The following RAB38 variants were observed in gnomAD, a reference collection of about 807,000 sequenced individuals.
RAB38 encodes RAB38, member RAS oncogene family.
RAB38 carries 15 observed loss-of-function variants against 18.4 expected under a neutral mutation model. That is an observed-to-expected ratio of 0.82 (90% CI 0.55 to 1.26). The LOEUF (loss-of-function observed/expected upper bound fraction) is 1.26, where lower values mean the gene tolerates loss of function less well. Ranked by LOEUF, RAB38 falls within the 50% of genes most tolerant of loss-of-function variation. The pLI is 0.00. For missense variants in RAB38, 294 were observed against 267.4 expected, an observed-to-expected ratio of 1.10 and a Z score of -0.69; for synonymous variants, 101 against 104.4, an observed-to-expected ratio of 0.97 and a Z score of 0.20.
chr11:87,945,230 A>G, the RAB38 span, among the ~76,000 whole-genome samples: 1 of 152,160 alleles, frequency 6.6e-6, no homozygotes, highest in African/African-American at 2.4e-5. Flanking sequence ...AATTTTCTAC[A>G]ATTTTGCAAT....
At chr11:88,075,295 CCACAA>C in the RAB38 span, among the ~76,000 whole-genome samples, 1 of 152,034 alleles carries the variant, frequency 6.6e-6, no homozygotes, top group Non-Finnish European at 1.5e-5. Context: ...ATATCTTAGG[CCACAA>C]CACAAGTCTC....
At chr11:87,917,493 G>A in the RAB38 span, among the ~76,000 whole-genome samples, 1 of 143,282 alleles carries the variant, frequency 7.0e-6, no homozygotes. Context: ...TCATACAGTA[G>A]ATCTATTGAA....
chr11:87,950,414 T>G, the RAB38 span, among the ~76,000 whole-genome samples: 13 of 152,208 alleles, frequency 8.5e-5, no homozygotes, highest in African/African-American at 3.1e-4. Flanking sequence ...ATGTGTGAAT[T>G]TGATCCTGTC....
At chr11:88,162,711 C>T (rs769888117) in intron 1 of RAB38, among the ~76,000 whole-genome samples, 1 of 152,014 alleles carries the variant, frequency 6.6e-6, no homozygotes, top group Non-Finnish European at 1.5e-5. Flanking sequence ...AGAAAAAAAT[C>T]CTTGCCTTCA....
the RAB38 span, among the ~76,000 whole-genome samples, chr11:87,899,969 T>C: frequency 2.1e-4 from 32 of 151,380 alleles, no homozygotes; most frequent in African/African-American, 5.6e-4. Flanking sequence ...GTTTTTTTTT[T>C]CCCCATAGTC....
chr11:87,968,326 G>A, the RAB38 span, among the ~76,000 whole-genome samples: 1 of 152,008 alleles, frequency 6.6e-6, no homozygotes, highest in African/African-American at 2.4e-5. Context: ...ATTCCTTTTA[G>A]TATTAGGACT....
At chr11:88,067,265 T>C in the RAB38 span, among the ~76,000 whole-genome samples, 1 of 151,930 alleles carries the variant, frequency 6.6e-6, no homozygotes, top group African/African-American at 2.4e-5. Context: ...GCCTTCTAGA[T>C]GTTAGCATTA....
the RAB38 span, among the ~76,000 whole-genome samples, chr11:88,076,980 GAAAGAAAGA>G: frequency 9.6e-5 from 6 of 62,564 alleles, no homozygotes; most frequent in African/African-American, 4.1e-4. Flanking sequence ...AAAAAAGAAA[GAAAGAAAGA>G]AAAGAAAAGA....
At chr11:87,895,927 A>G in the RAB38 span, among the ~76,000 whole-genome samples, 1 of 151,694 alleles carries the variant, frequency 6.6e-6, no homozygotes. Context: ...ATTTCTTCAC[A>G]TATACTTGTG....
chr11:87,899,336 GGT>G, the RAB38 span, among the ~76,000 whole-genome samples: 2 of 151,680 alleles, frequency 1.3e-5, no homozygotes, highest in East Asian at 3.9e-4. Flanking sequence ...GGCACTGTCT[GGT>G]ACTAGTCTAA....
At chr11:87,815,157 T>G in the RAB38 span, 1 of 152,272 alleles carries the variant, frequency 6.6e-6, no homozygotes, top group African/African-American at 2.4e-5. Context: ...CTCCAATTCA[T>G]GTGAGTGTGA....
At chr11:88,028,531 T>C in the RAB38 span, among the ~76,000 whole-genome samples, 5 of 151,964 alleles carry the variant, frequency 3.3e-5, no homozygotes, top group African/African-American at 9.7e-5. Context: ...GAGAAGTGCT[T>C]AAAGGGGATA....
the RAB38 span, among the ~76,000 whole-genome samples, chr11:88,077,718 T>TA: frequency 6.6e-6 from 1 of 152,100 alleles, no homozygotes; most frequent in East Asian, 1.9e-4. Flanking sequence ...AGGACATAGA[T>TA]ATTGGCAAAT....
the RAB38 span, among the ~76,000 whole-genome samples, chr11:87,906,110 A>C: frequency 6.6e-6 from 1 of 152,042 alleles, no homozygotes; most frequent in East Asian, 1.9e-4. Context: ...CATACTTTTC[A>C]TATACATATT....
the RAB38 span, among the ~76,000 whole-genome samples, chr11:87,933,821 C>T: frequency 2.1e-3 from 325 of 152,204 alleles, 1 homozygote; most frequent in Non-Finnish European, 3.4e-3. Flanking sequence ...ACACCTTTCT[C>T]TACCCAAGCT....
the RAB38 span, among the ~76,000 whole-genome samples, chr11:87,934,461 C>A: frequency 6.6e-6 from 1 of 152,026 alleles, no homozygotes; most frequent in Non-Finnish European, 1.5e-5. Flanking sequence ...AAAATCCACC[C>A]AAAAGTGTTA....
chr11:87,861,292 T>G, the RAB38 span, among the ~76,000 whole-genome samples: 2 of 151,896 alleles, frequency 1.3e-5, no homozygotes, highest in Non-Finnish European at 2.9e-5. Flanking sequence ...AAAATTAAAG[T>G]TGAACAATGG....
chr11:88,099,568 T>C, the RAB38 span, among the ~76,000 whole-genome samples: 1 of 151,812 alleles, frequency 6.6e-6, no homozygotes, highest in Non-Finnish European at 1.5e-5. Context: ...ATAAGCATAG[T>C]TGAATTAAAG....
At chr11:88,155,503 A>G (rs1943114164) in intron 1 of RAB38, among the ~76,000 whole-genome samples, 1 of 152,234 alleles carries the variant, frequency 6.6e-6, no homozygotes, top group Non-Finnish European at 1.5e-5. Context: ...AAAAAATAGC[A>G]ATAGTATGAT....
Sources: gnomAD v4.1 joint callset for allele counts (sites outside exome capture counted in the v4.1 genomes callset) on GRCh38, gnomAD v4.1.1 for gene constraint, MANE v1.5 for transcripts, NCBI Gene and HGNC (gene_info 2026-07-23, HGNC 2026-07-21) for gene names.